The following MACROD1 variants were observed in gnomAD, a reference collection of about 807,000 sequenced individuals.
MACROD1 encodes the protein mono-ADP ribosylhydrolase 1.
A neutral mutation model predicts 41.4 loss-of-function variants in MACROD1; 31 were observed. The observed-to-expected ratio is 0.75, with a 90% confidence interval of 0.56 to 1.01. The LOEUF (loss-of-function observed/expected upper bound fraction) is 1.01. Among genes scored for constraint, MACROD1 ranks in the 50% least tolerant of loss-of-function variants. The pLI is 0.00. For missense variants in MACROD1, 473 were observed against 460.0 expected, an observed-to-expected ratio of 1.03 and a Z score of -0.26; for synonymous variants, 252 against 203.4, an observed-to-expected ratio of 1.24 and a Z score of -2.03.
rs1205032149 is a variant in MACROD1, at chr11:64,120,418, G to C, written c.517+30821C>G. Among the ~76,000 whole-genome samples, 2 of 152,248 alleles carry C rather than the reference G, an allele frequency of 1.3e-5. No individual in the cohort carries two copies. Among genetic ancestry groups the C allele is most frequent in the Non-Finnish European group, 2.9e-5 (2 of 68,046 alleles). ...AAGGCAGCCCCAGGCCGGGTGCAGTGGCTCACGCCTGTAATCCCAGCACTT... is the reference window on the plus strand; with the variant it reads ...AAGGCAGCCCCAGGCCGGGTGCAGTCGCTCACGCCTGTAATCCCAGCACTT... On this transcript the variant is annotated intron_variant, in intron 3 of 10. Coordinates refer to ENST00000255681, the MANE Select transcript of MACROD1 (RefSeq NM_014067.4). The surrounding 1 kb of genome is among the most constrained non-coding windows in gnomAD (Gnocchi z 4.5).
At chr11:64,078,593 G>C (rs993802318) in intron 3 of MACROD1, among the ~76,000 whole-genome samples, 2 of 152,176 alleles carry the variant, frequency 1.3e-5, no homozygotes, top group East Asian at 1.9e-4. Flanking sequence ...GGTCCCATGG[G>C]GGGTGGCCAC....
At chr11:64,114,637 G>A (rs1187087256) in intron 3 of MACROD1, among the ~76,000 whole-genome samples, 1 of 151,828 alleles carries the variant, frequency 6.6e-6, no homozygotes, top group African/African-American at 2.4e-5. Context: ...GTGCATGCAT[G>A]AATGGATGGA....
intron 3 of MACROD1, among the ~76,000 whole-genome samples, chr11:64,058,591 G>C (rs1943836815): frequency 6.6e-6 from 1 of 152,256 alleles, no homozygotes. Flanking sequence ...GGAGCCGGCA[G>C]CTGCCGGGTG....
intron 3 of MACROD1, among the ~76,000 whole-genome samples, chr11:64,105,925 T>C (rs1944754898): frequency 7.0e-6 from 1 of 141,968 alleles, no homozygotes; most frequent in Non-Finnish European, 1.5e-5. Context: ...CTTTATCTCA[T>C]GATTCCAGGG....
chr11:64,097,539 C>T (rs892136095), intron 3 of MACROD1, among the ~76,000 whole-genome samples: 7 of 152,362 alleles, frequency 4.6e-5, no homozygotes, highest in South Asian at 2.1e-4. Context: ...GCCGGCCGGG[C>T]GGCACAGACT....
intron 3 of MACROD1, among the ~76,000 whole-genome samples, chr11:64,032,088 G>T (rs1452605878): frequency 1.3e-5 from 2 of 152,108 alleles, no homozygotes; most frequent in African/African-American, 4.8e-5. Flanking sequence ...TGGGGCTAAG[G>T]GTCCCTGATG....
intron 3 of MACROD1, among the ~76,000 whole-genome samples, chr11:64,023,042 AG>A (rs1321608536): frequency 2.6e-5 from 4 of 151,722 alleles, no homozygotes; most frequent in Non-Finnish European, 4.4e-5. Context: ...TGCTATTTTT[AG>A]TACAATTGGG....
At chr11:64,000,662 G>A (rs1194464801) in intron 4 of MACROD1, among the ~76,000 whole-genome samples, 1 of 151,844 alleles carries the variant, frequency 6.6e-6, no homozygotes, top group Non-Finnish European at 1.5e-5. Context: ...GGGAGGCGGG[G>A]GCCGCCGGGA....
At chr11:63,999,202 G>T in intron 8 of MACROD1, 129 bp downstream of exon 8, 1 of 1,384,996 alleles carries the variant, frequency 7.2e-7, no homozygotes, top group Non-Finnish European at 9.8e-7. Flanking sequence ...GCGCCCTTGC[G>T]CAGGAGAAAC....
chr11:64,073,807 C>T (rs575235920), intron 3 of MACROD1, among the ~76,000 whole-genome samples: 2 of 152,302 alleles, frequency 1.3e-5, no homozygotes, highest in Non-Finnish European at 2.9e-5. Flanking sequence ...CCGCATCCAG[C>T]CCTGTGTTGG....
At chr11:64,078,516 G>A (rs561770909) in intron 3 of MACROD1, among the ~76,000 whole-genome samples, 3 of 152,226 alleles carry the variant, frequency 2.0e-5, no homozygotes, top group Admixed American at 6.5e-5. Flanking sequence ...TTGCAGCATC[G>A]GAGGGATACC....
chr11:64,051,428 C>T (rs1016076172), intron 3 of MACROD1, among the ~76,000 whole-genome samples: 2 of 152,170 alleles, frequency 1.3e-5, no homozygotes, highest in Admixed American at 6.5e-5. Flanking sequence ...ACAGTGATGG[C>T]GGACCCACCC....
intron 1 of MACROD1, among the ~76,000 whole-genome samples, chr11:64,159,320 G>GAAAAAAAAAAA (rs34061690): frequency 9.6e-6 from 1 of 104,020 alleles, no homozygotes; most frequent in Non-Finnish European, 1.9e-5. Flanking sequence ...CTCCGTCTCA[G>GAAAAAAAAAAA]AAAAAAAAAA....
chr11:64,072,151 G>A (rs1202903496), intron 3 of MACROD1, among the ~76,000 whole-genome samples: 1 of 152,218 alleles, frequency 6.6e-6, no homozygotes, highest in Non-Finnish European at 1.5e-5. Flanking sequence ...GGGAGTGAGT[G>A]GGAGCTGTGG....
chr11:64,026,749 A>G (rs1943228859), intron 3 of MACROD1, among the ~76,000 whole-genome samples: 1 of 151,762 alleles, frequency 6.6e-6, no homozygotes, highest in African/African-American at 2.4e-5. Context: ...TTCCTTCAAT[A>G]GGTCTGGCTC....
At chr11:64,104,989 GACACTTCCCAC>G (rs1440209006) in intron 3 of MACROD1, among the ~76,000 whole-genome samples, 2 of 152,092 alleles carry the variant, frequency 1.3e-5, no homozygotes, top group African/African-American at 4.8e-5. Context: ...GATGGAAAAT[GACACTTCCCAC>G]GCTCTTCCTC....
intron 3 of MACROD1, among the ~76,000 whole-genome samples, chr11:64,091,911 C>T (rs1944497688): frequency 6.6e-6 from 1 of 152,190 alleles, no homozygotes; most frequent in Admixed American, 6.5e-5. Flanking sequence ...TTCTCTGTGT[C>T]CCGAGGCCTC....
At chr11:64,056,946 G>T (rs926904344) in intron 3 of MACROD1, among the ~76,000 whole-genome samples, 1 of 152,184 alleles carries the variant, frequency 6.6e-6, no homozygotes, top group Non-Finnish European at 1.5e-5. Flanking sequence ...CCCCTCCTTT[G>T]CTCCCAGCTT....
In MACROD1 at chr11:64,134,996, C is replaced by A. The variant is rs59747132; in HGVS notation, c.517+16243G>T. 2.3e-3 allele frequency among the ~76,000 whole-genome samples: 348 copies of A among 152,330 alleles called. 4 individuals are homozygous for A. The East Asian group carries it at 0.057, about 25-fold the overall frequency. ...GGTGCTCCCGCTGAATCTCTGCCCC[C>A]TGCCTGGCTCCCGATCAGCCAACTC... On this transcript the variant is annotated intron_variant, in intron 3 of 10. Transcript: ENST00000255681.
Sources: gnomAD v4.1 joint callset for allele counts (sites outside exome capture counted in the v4.1 genomes callset) on GRCh38, gnomAD v4.1.1 for gene constraint, Gnocchi (gnomAD v3.1) non-coding constraint, MANE v1.5 for transcripts, NCBI Gene and HGNC (gene_info 2026-07-23, HGNC 2026-07-21) for gene names.